NKD1: variants seen among roughly 807,000 people sequenced by gnomAD.
NKD1 encodes the protein protein naked cuticle homolog 1.
In NKD1, 21 loss-of-function variants were observed where a neutral mutation model predicts 56.0. The observed-to-expected ratio is 0.38, with a 90% confidence interval of 0.27 to 0.54. The LOEUF is 0.54. Ranked by LOEUF, NKD1 falls within the 20% of genes least tolerant of loss-of-function variation. The pLI, the probability that NKD1 is intolerant of heterozygous loss-of-function variation, is 0.82. For synonymous variants in NKD1, 263 were observed against 265.7 expected (o/e 0.99, Z 0.10); for missense variants, 578 against 642.7 (o/e 0.90, Z 1.09).
At chr16:50,582,074 A>G (rs1961128520) in intron 3 of NKD1, among the ~76,000 whole-genome samples, 2 of 152,274 alleles carry the variant, frequency 1.3e-5, no homozygotes, top group African/African-American at 2.4e-5. Flanking sequence ...AAGGCAGCTC[A>G]TGGACCAGAT....
In NKD1 at chr16:50,608,372, C is replaced by T. The variant is rs895352891; in HGVS notation, c.259+12C>T. 2.5e-6 allele frequency: 4 copies of T among 1,597,480 alleles called. No homozygotes were observed. In the African/African-American group the frequency reaches 5.4e-5, roughly 21 times the overall value. ...CTTTCGGCTGGAAGGTATTCGGAGT[C>T]CATTGCTCTCTTCCCAGCAGCAGCG... On this transcript the variant is annotated intron_variant, in intron 4 of 9. Coordinates refer to ENST00000268459, the MANE Select transcript of NKD1 (RefSeq NM_033119.5).
intron 3 of NKD1, among the ~76,000 whole-genome samples, chr16:50,586,366 C>T (rs77105225): frequency 0.013 from 1,749 of 136,372 alleles, 24 homozygotes; most frequent in Non-Finnish European, 0.015. Context: ...GTCACAGAGG[C>T]GTCTCCTTGT....
intron 3 of NKD1, among the ~76,000 whole-genome samples, chr16:50,590,068 C>T (rs1300813668): frequency 6.6e-6 from 1 of 151,976 alleles, no homozygotes; most frequent in African/African-American, 2.4e-5. Flanking sequence ...TGGTCTTGAA[C>T]CCCTGGGCTC....
At position 50,644,387 on chromosome 16, in the gene NKD1, A is replaced by C. The variant is rs906016138; in HGVS notation, c.*10606A>C. 2 of 152,242 alleles carry C rather than the reference A, an allele frequency of 1.3e-5. No individual in the cohort carries two copies. Among genetic ancestry groups the C allele is most frequent in the African/African-American group, 4.8e-5 (2 of 41,460 alleles). The allele number at this position is 152,242 out of a possible 1,614,324, so 9.4% of individuals were successfully genotyped here. On this transcript the variant is annotated 3_prime_UTR_variant, in exon 10 of 10. Coordinates refer to ENST00000268459, the MANE Select transcript of NKD1 (RefSeq NM_033119.5). ...ATTCCTGGCCTCCCCACCCGCCCCCAGCGGGACCTAGCACATGGCCTGCTG... is the reference window on the plus strand; with the variant it reads ...ATTCCTGGCCTCCCCACCCGCCCCCCGCGGGACCTAGCACATGGCCTGCTG...
At chr16:50,605,960 A>G (rs1961697311) in intron 3 of NKD1, 1 of 152,216 alleles carries the variant, frequency 6.6e-6, no homozygotes, top group Non-Finnish European at 1.5e-5. Flanking sequence ...GTTTGGCTCA[A>G]CATCCCGCGT....
rs1014442252 is a variant in NKD1 at position 50,635,536 on chromosome 16, T to C, written c.*1755T>C. ...TCCAGAGCCTCGAGTTTGGGTTTAATGTAGTTAGTAAGGAGTTACTTCCAA... is the reference window on the plus strand; with the variant it reads ...TCCAGAGCCTCGAGTTTGGGTTTAACGTAGTTAGTAAGGAGTTACTTCCAA... On this transcript the variant is annotated 3_prime_UTR_variant, in exon 10 of 10. Transcript: ENST00000268459. This position sits in a 1 kb window ranked among gnomAD's most constrained non-coding sequence, Gnocchi z 4.1. 1 of 152,258 alleles carries C rather than the reference T, an allele frequency of 6.6e-6. No individual in the cohort carries two copies. The highest frequency in any genetic ancestry group is 1.5e-5 in the Non-Finnish European group (1 of 68,052). The allele number at this position is 152,258 out of a possible 1,614,324, so 9.4% of individuals were successfully genotyped here.
In NKD1 at chr16:50,636,740, A is replaced by G. The variant is rs919995823; in HGVS notation, c.*2959A>G. The G allele has an allele frequency of 1.3e-5, 2 of 152,220 alleles. No homozygotes were observed. The highest frequency in any genetic ancestry group is 4.8e-5 in the African/African-American group (2 of 41,450). The allele number at this position is 152,220 out of a possible 1,614,324, so 9.4% of individuals were successfully genotyped here. On this transcript the variant is annotated 3_prime_UTR_variant, in exon 10 of 10. Transcript: ENST00000268459. ...TGCATTTCTATATCTTCCCATATGC[A>G]TTTTGTTAATTTTTAAAGTATTTCA...
Position 50,598,262 on chromosome 16 carries a change from T to C in NKD1, c.193-10032T>C, listed in dbSNP as rs113628706. On this transcript the variant is annotated intron_variant, in intron 3 of 9. Coordinates refer to ENST00000268459, the MANE Select transcript of NKD1 (RefSeq NM_033119.5). The surrounding 1 kb of genome is among the most constrained non-coding windows in gnomAD (Gnocchi z 4.2). ...GTGTGTGTGTGTGTGTGTGTGTGTG[T>C]GCGCGCACACCTGTGCTCATGGACA... Among the ~76,000 whole-genome samples the C allele has an allele frequency of 0.018, 2,648 of 148,566 alleles. 78 individuals are homozygous for C. The highest frequency in any genetic ancestry group is 0.051 in the African/African-American group (2,007 of 39,082).
rs1962360723 is a variant in NKD1, at chr16:50,632,196, C to T, written c.696-85C>T. 7.4e-7 allele frequency: 1 copy of T among 1,351,560 alleles called. No homozygotes were observed. The allele number at this position is 1,351,560 out of a possible 1,614,324, so 83.7% of individuals were successfully genotyped here. On this transcript the variant is annotated intron_variant, in intron 8 of 9. Transcript: ENST00000268459. This position sits in a 1 kb window ranked among gnomAD's most constrained non-coding sequence, Gnocchi z 4.1. ...GGAAATGAATGAAGGGTCCAGAGTT[C>T]ATTCTGGGGGCTTCCTAGTAGCCTA...
At chr16:50,582,310 C>T (rs995216600) in intron 3 of NKD1, among the ~76,000 whole-genome samples, 2 of 152,268 alleles carry the variant, frequency 1.3e-5, no homozygotes, top group African/African-American at 4.8e-5. Context: ...TGCCTAGAGC[C>T]CCAGCCAAAA....
rs1249926442 is a variant in NKD1, at chr16:50,598,266, C to CGCGCGT, written c.193-10026_193-10025insGCGTGC. Among the ~76,000 whole-genome samples, 6 of 133,856 alleles carry CGCGCGT rather than the reference C, an allele frequency of 4.5e-5. No homozygotes were observed. The highest frequency in any genetic ancestry group is 2.2e-4 in the African/African-American group (6 of 27,678). The allele number at this position is 133,856 out of a possible 152,430, so 87.8% of individuals were successfully genotyped here. Reference sequence around the variant, plus strand: ...GTGTGTGTGTGTGTGTGTGTGTGCGCGCACACCTGTGCTCATGGACACTCT... The same window carrying CGCGCGT: ...GTGTGTGTGTGTGTGTGTGTGTGCGCGCGCGTGCACACCTGTGCTCATGGACACTCT... On this transcript the variant is annotated intron_variant, in intron 3 of 9. Coordinates refer to ENST00000268459, the MANE Select transcript of NKD1 (RefSeq NM_033119.5). The surrounding 1 kb of genome is among the most constrained non-coding windows in gnomAD (Gnocchi z 4.2).
chr16:50,550,875 C>T (rs1354858666), intron 3 of NKD1, among the ~76,000 whole-genome samples: 1 of 152,188 alleles, frequency 6.6e-6, no homozygotes, highest in East Asian at 1.9e-4. Flanking sequence ...TTCCATTAAT[C>T]AAGTTTTGGG....
intron 5 of NKD1, among the ~76,000 whole-genome samples, chr16:50,624,925 T>C (rs1231724905): frequency 6.6e-6 from 1 of 152,170 alleles, no homozygotes; most frequent in African/African-American, 2.4e-5. Flanking sequence ...GGGTGGGGCA[T>C]TTAATCTTCC....
At chr16:50,575,502 G>A (rs763357870) in intron 3 of NKD1, 8 of 309,776 alleles carry the variant, frequency 2.6e-5, no homozygotes, top group African/African-American at 4.5e-5. Flanking sequence ...CAGAAATAAC[G>A]TGGGCCTCCC....
intron 3 of NKD1, among the ~76,000 whole-genome samples, chr16:50,578,429 G>A (rs905941267): frequency 6.6e-6 from 1 of 152,190 alleles, no homozygotes. Context: ...GTACCAGCTT[G>A]AGTCGTTGTT....
intron 3 of NKD1, among the ~76,000 whole-genome samples, chr16:50,586,628 C>A (rs1051631429): frequency 6.6e-6 from 1 of 152,182 alleles, no homozygotes; most frequent in African/African-American, 2.4e-5. Context: ...GGGAGCACAC[C>A]CACCTTCTGG....
chr16:50,600,874 C>A (rs980950453), intron 3 of NKD1, among the ~76,000 whole-genome samples: 2 of 152,210 alleles, frequency 1.3e-5, no homozygotes, highest in Non-Finnish European at 2.9e-5. Flanking sequence ...GTCCACCTTC[C>A]CTGTGCAAAC....
chr16:50,633,091 T>C lies in NKD1; in HGVS notation c.824-101T>C. The C allele has an allele frequency of 9.0e-7, 1 of 1,107,628 alleles. No homozygotes were observed. Among genetic ancestry groups the C allele is most frequent in the Non-Finnish European group, 1.3e-6 (1 of 797,896 alleles). 68.6% of individuals were successfully genotyped at this position (1,107,628 alleles called of 1,614,324 possible). A position where few individuals can be genotyped will look rare whatever the true frequency, so the allele number is the denominator to read the frequency against. ...GGCAGTCAGGGCATTGGGGGGTAGC[T>C]CTGGTTTTGGAGAACTGGGGGCGGG... On this transcript the variant is annotated intron_variant, in intron 9 of 9. Transcript: ENST00000268459. This position sits in a 1 kb window ranked among gnomAD's most constrained non-coding sequence, Gnocchi z 4.9.
intron 3 of NKD1, chr16:50,571,528 G>C: frequency 4.1e-6 from 4 of 985,368 alleles, no homozygotes; most frequent in Non-Finnish European, 4.8e-6. Context: ...AGACCCATCT[G>C]CGCTCCCAGC....
Sources: gnomAD v4.1 joint callset for allele counts (sites outside exome capture counted in the v4.1 genomes callset) on GRCh38, gnomAD v4.1.1 for gene constraint, Gnocchi (gnomAD v3.1) non-coding constraint, MANE v1.5 for transcripts, NCBI Gene and HGNC (gene_info 2026-07-23, HGNC 2026-07-21) for gene names.